Variants in ANKS1B observed in about 807,000 individuals in gnomAD.
ANKS1B encodes ankyrin repeat and sterile alpha motif domain containing 1B.
A neutral mutation model predicts 148.3 loss-of-function variants in ANKS1B; 36 were observed. That is an observed-to-expected ratio of 0.24 (90% confidence interval 0.19 to 0.32). The LOEUF (loss-of-function observed/expected upper bound fraction) is 0.32, where lower values mean the gene tolerates loss of function less well. ANKS1B is among the 10% of genes least tolerant of loss of function. ANKS1B has a pLI of 1.00. For synonymous variants in ANKS1B, 542 were observed against 560.8 expected (o/e 0.97, Z 0.47); for missense variants, 1,157 against 1,542.6 (o/e 0.75, Z 4.19).
At chr12:99,241,896 T>C (rs2089408647) in intron 14 of ANKS1B, among the ~76,000 whole-genome samples, 1 of 152,142 alleles carries the variant, frequency 6.6e-6, no homozygotes, top group African/African-American at 2.4e-5. Flanking sequence ...ATGGAATGTA[T>C]CTCAAAATAA....
At chr12:99,593,242 TG>T (rs143942709) in intron 9 of ANKS1B, among the ~76,000 whole-genome samples, 11 of 151,796 alleles carry the variant, frequency 7.2e-5, no homozygotes, top group Middle Eastern at 3.4e-3. Flanking sequence ...TGGTTGGGGT[TG>T]GGGGGGTCTT....
rs182333878 is a variant in ANKS1B at position 99,642,680 on chromosome 12, G to A, written c.1272+12387C>T. On this transcript the variant is annotated intron_variant, in intron 9 of 26. Transcript: ENST00000683438. ...AAAATACAAAAAATTAGCTGGGCGT[G>A]GTGATGCATGCCTGTAATCCCAGCT... is the stretch of plus-strand genomic sequence containing the variant. 6.6e-5 allele frequency among the ~76,000 whole-genome samples: 10 copies of A among 152,266 alleles called. No homozygotes were observed. The East Asian group carries it at 1.5e-3, about 23-fold the overall frequency.
At chr12:99,210,250 G>A (rs2083173997) in intron 14 of ANKS1B, among the ~76,000 whole-genome samples, 1 of 152,164 alleles carries the variant, frequency 6.6e-6, no homozygotes, top group Non-Finnish European at 1.5e-5. Context: ...GTCTTTGACA[G>A]TTGAGCCACT....
chr12:98,916,184 G>C (rs2099794122), intron 17 of ANKS1B, among the ~76,000 whole-genome samples: 1 of 152,220 alleles, frequency 6.6e-6, no homozygotes, highest in Non-Finnish European at 1.5e-5. Context: ...TAAGAAAAAA[G>C]AATGATTCAC....
intron 15 of ANKS1B, among the ~76,000 whole-genome samples, chr12:99,137,380 TTGAC>T (rs1566357376): frequency 1.3e-5 from 2 of 152,152 alleles, no homozygotes; most frequent in Non-Finnish European, 2.9e-5. Context: ...GTCAACGACA[TTGAC>T]TGCTCACTGG....
chr12:99,714,148 T>C (rs902460470), intron 8 of ANKS1B, among the ~76,000 whole-genome samples: 7 of 152,204 alleles, frequency 4.6e-5, no homozygotes, highest in Non-Finnish European at 8.8e-5. Context: ...CCGCATTCCA[T>C]GGCTCATGGC....
At chr12:99,430,435 G>C (rs1296051615) in intron 11 of ANKS1B, among the ~76,000 whole-genome samples, 2 of 152,164 alleles carry the variant, frequency 1.3e-5, no homozygotes, top group Non-Finnish European at 2.9e-5. Context: ...TGAAGATTTT[G>C]ATGTCTGGCA....
At chr12:98,850,689 G>A (rs1302087097) in intron 17 of ANKS1B, among the ~76,000 whole-genome samples, 1 of 151,254 alleles carries the variant, frequency 6.6e-6, no homozygotes, top group Non-Finnish European at 1.5e-5. Flanking sequence ...GGATGGTCTC[G>A]ATCTCCTGAC....
chr12:99,306,562 T>A (rs1424340489), intron 12 of ANKS1B, among the ~76,000 whole-genome samples: 1 of 152,096 alleles, frequency 6.6e-6, no homozygotes, highest in Admixed American at 6.6e-5. Flanking sequence ...TGACAGATGG[T>A]TTCTAGATTA....
At chr12:99,183,395 G>GCCAAGC (rs2079376716) in intron 14 of ANKS1B, among the ~76,000 whole-genome samples, 1 of 152,184 alleles carries the variant, frequency 6.6e-6, no homozygotes, top group African/African-American at 2.4e-5. Context: ...CGTAATCCCA[G>GCCAAGC]CACTTTGGGA....
chr12:99,778,262 C>T (rs142789849), intron 6 of ANKS1B, among the ~76,000 whole-genome samples: 3 of 152,022 alleles, frequency 2.0e-5, no homozygotes, highest in African/African-American at 7.2e-5. Flanking sequence ...AATCCCAGCA[C>T]TTTAAGAGGC....
intron 12 of ANKS1B, among the ~76,000 whole-genome samples, chr12:99,346,741 T>C (rs536741104): frequency 3.3e-5 from 5 of 152,064 alleles, no homozygotes; most frequent in African/African-American, 1.2e-4. Flanking sequence ...TCCCCTTTGG[T>C]ATTGTTTTCG....
intron 12 of ANKS1B, among the ~76,000 whole-genome samples, chr12:99,316,006 T>C (rs757685461): frequency 1.3e-5 from 2 of 152,198 alleles, no homozygotes; most frequent in Non-Finnish European, 2.9e-5. Flanking sequence ...GAACTCATCA[T>C]TTTTTATGGC....
intron 9 of ANKS1B, among the ~76,000 whole-genome samples, chr12:99,571,119 T>C (rs2097450952): frequency 6.6e-6 from 1 of 152,158 alleles, no homozygotes; most frequent in South Asian, 2.1e-4. Context: ...ATGAAGACTT[T>C]ATATGTAATA....
chr12:99,400,517 T>C (rs2094375521), intron 11 of ANKS1B, among the ~76,000 whole-genome samples: 1 of 144,940 alleles, frequency 6.9e-6, no homozygotes, highest in Non-Finnish European at 1.5e-5. Flanking sequence ...AATGAATTAC[T>C]CCCCGTAGCA....
intron 16 of ANKS1B, among the ~76,000 whole-genome samples, chr12:99,073,235 C>A (rs1325869745): frequency 6.6e-6 from 1 of 152,202 alleles, no homozygotes; most frequent in Non-Finnish European, 1.5e-5. Flanking sequence ...TGCCCATGGT[C>A]AGACAATTAG....
chr12:98,974,114 A>T (rs993739514), intron 17 of ANKS1B, among the ~76,000 whole-genome samples: 4 of 152,152 alleles, frequency 2.6e-5, no homozygotes, highest in Non-Finnish European at 5.9e-5. Context: ...TGGTAAGGAG[A>T]AGAATACACC....
At chr12:99,083,642 T>C (rs1457736937) in intron 16 of ANKS1B, 1 of 152,222 alleles carries the variant, frequency 6.6e-6, no homozygotes, top group African/African-American at 2.4e-5. Flanking sequence ...ACACATAACA[T>C]AAAACTTACC....
intron 11 of ANKS1B, among the ~76,000 whole-genome samples, chr12:99,425,491 T>A (rs1434857237): frequency 6.6e-6 from 1 of 151,966 alleles, no homozygotes; most frequent in Non-Finnish European, 1.5e-5. Context: ...GATTCTTGAT[T>A]CACATTACCA....
Sources: gnomAD v4.1 joint callset for allele counts (sites outside exome capture counted in the v4.1 genomes callset) on GRCh38, gnomAD v4.1.1 for gene constraint, MANE v1.5 for transcripts, NCBI Gene and HGNC (gene_info 2026-07-23, HGNC 2026-07-21) for gene names.